CNTNAP2: variants seen among roughly 807,000 people sequenced by gnomAD.
The protein encoded by CNTNAP2 is contactin associated protein 2, also known as contactin-associated protein-like 2.
CNTNAP2 carries 98 observed loss-of-function variants against 155.2 expected under a neutral mutation model. The ratio of observed to expected loss-of-function variants is 0.63; its 90% CI spans 0.54 to 0.75. The LOEUF is 0.75. Ranked by LOEUF, CNTNAP2 falls within the 30% of genes least tolerant of loss-of-function variation. The pLI is 0.00. For missense variants in CNTNAP2, 1,727 were observed against 1,688.1 expected (o/e 1.02, Z -0.40); for synonymous variants, 651 against 631.2 (o/e 1.03, Z -0.47).
At chr7:148,229,440 G>A (rs529374091) in intron 19 of CNTNAP2, among the ~76,000 whole-genome samples, 11 of 152,186 alleles carry the variant, frequency 7.2e-5, no homozygotes, top group African/African-American at 2.4e-4. Flanking sequence ...CAGGAGAATC[G>A]CTTGAACCTG....
intron 1 of CNTNAP2, among the ~76,000 whole-genome samples, chr7:146,389,696 C>CTTTTTTTTTTTTTTTTTTTTTTTTTTT (rs1408040421): frequency 7.1e-6 from 1 of 140,824 alleles, no homozygotes; most frequent in African/African-American, 2.7e-5. Flanking sequence ...TTTTTCTTTT[C>CTTTTTTTTTTTTTTTTTTTTTTTTTTT]TTTTTTCTTT....
intron 9 of CNTNAP2, among the ~76,000 whole-genome samples, chr7:147,367,949 T>C (rs934389651): frequency 9.9e-5 from 15 of 151,730 alleles, no homozygotes; most frequent in African/African-American, 4.8e-5. Flanking sequence ...TGATCTCACA[T>C]AGCCACATAC....
At chr7:146,985,182 CCAG>C in intron 3 of CNTNAP2, among the ~76,000 whole-genome samples, 1 of 152,014 alleles carries the variant, frequency 6.6e-6, no homozygotes, top group South Asian at 2.1e-4. Context: ...CTGTGAAGTG[CCAG>C]CAATAAGTAT....
intron 1 of CNTNAP2, among the ~76,000 whole-genome samples, chr7:146,398,485 A>C (rs1043745304): frequency 1.3e-5 from 2 of 152,112 alleles, no homozygotes; most frequent in African/African-American, 2.4e-5. Context: ...TCCCTCCCAC[A>C]ACATGTGGAG....
intron 1 of CNTNAP2, among the ~76,000 whole-genome samples, chr7:146,491,157 T>C (rs187757927): frequency 1.3e-5 from 2 of 152,254 alleles, no homozygotes; most frequent in Non-Finnish European, 2.9e-5. Flanking sequence ...GGCTGTTATA[T>C]GAAAATAAAG....
At chr7:147,865,521 C>G (rs541221409) in intron 13 of CNTNAP2, among the ~76,000 whole-genome samples, 1 of 152,114 alleles carries the variant, frequency 6.6e-6, no homozygotes, top group Admixed American at 6.5e-5. Context: ...CCTCTTTGTA[C>G]CTCTGGTAGA....
intron 1 of CNTNAP2, among the ~76,000 whole-genome samples, chr7:146,518,434 C>A (rs1797571741): frequency 6.6e-6 from 1 of 151,824 alleles, no homozygotes; most frequent in Non-Finnish European, 1.5e-5. Flanking sequence ...TTTCAGTAGG[C>A]TGTTCATTTT....
intron 1 of CNTNAP2, among the ~76,000 whole-genome samples, chr7:146,427,808 T>C (rs984358284): frequency 3.9e-5 from 6 of 152,182 alleles, no homozygotes; most frequent in Non-Finnish European, 1.5e-5. Context: ...GGTAAACATA[T>C]GCTATGGTGG....
chr7:148,059,747 C>T (rs150769889), intron 15 of CNTNAP2, among the ~76,000 whole-genome samples: 8,982 of 148,406 alleles, frequency 0.061, 332 homozygotes, highest in South Asian at 0.18. Context: ...TTATACTATA[C>T]ATATATTTAT....
At chr7:146,307,184 AACAG>A (rs1384652930) in intron 1 of CNTNAP2, among the ~76,000 whole-genome samples, 1 of 152,130 alleles carries the variant, frequency 6.6e-6, no homozygotes, top group Non-Finnish European at 1.5e-5. Flanking sequence ...ACACACCAAT[AACAG>A]ACAAACAGAG....
At chr7:146,161,559 A>T (rs1418213430) in intron 1 of CNTNAP2, among the ~76,000 whole-genome samples, 1 of 152,212 alleles carries the variant, frequency 6.6e-6, no homozygotes, top group African/African-American at 2.4e-5. Context: ...GATAGGAAGA[A>T]TCAATATTGT....
rs1420146951 is a variant in CNTNAP2 at position 147,864,765 on chromosome 7, C to T, written c.2099-38800C>T. Among the ~76,000 whole-genome samples the T allele has an allele frequency of 2.6e-5, 4 of 152,202 alleles. No homozygotes were observed. In the East Asian group the frequency reaches 5.8e-4, roughly 22 times the overall value. On this transcript the variant is annotated intron_variant, in intron 13 of 23. Coordinates refer to ENST00000361727, the MANE Select transcript of CNTNAP2 (RefSeq NM_014141.6). ...GGTGTATAGGAATGCTTGATTTTTG[C>T]ACATTGATTTTGTATCCTGAGACTT...
chr7:147,726,521 G>A (rs1269358852), intron 13 of CNTNAP2, among the ~76,000 whole-genome samples: 1 of 151,946 alleles, frequency 6.6e-6, no homozygotes, highest in Non-Finnish European at 1.5e-5. Flanking sequence ...TAAGGGCAGG[G>A]GGAAGAGAAG....
chr7:147,347,795 A>G (rs1231297578), intron 9 of CNTNAP2, among the ~76,000 whole-genome samples: 1 of 152,096 alleles, frequency 6.6e-6, no homozygotes, highest in East Asian at 1.9e-4. Flanking sequence ...ACAAAGCTTT[A>G]GTAACCAAAC....
At chr7:146,775,082 A>G (rs751954718) in intron 2 of CNTNAP2, among the ~76,000 whole-genome samples, 3 of 152,236 alleles carry the variant, frequency 2.0e-5, no homozygotes, top group Admixed American at 6.5e-5. Flanking sequence ...TATCTCAGAT[A>G]AATATGAATC....
intron 10 of CNTNAP2, among the ~76,000 whole-genome samples, chr7:147,475,281 C>T (rs1563219053): frequency 6.6e-6 from 1 of 152,120 alleles, no homozygotes; most frequent in Non-Finnish European, 1.5e-5. Context: ...AATATATGCA[C>T]ATTTGAAATT....
chr7:146,662,407 G>T (rs1254608620), intron 1 of CNTNAP2, among the ~76,000 whole-genome samples: 1 of 152,304 alleles, frequency 6.6e-6, no homozygotes, highest in East Asian at 1.9e-4. Flanking sequence ...AAAGTGTTCA[G>T]ATTGCAGGCG....
At chr7:147,200,279 G>C (rs1397080798) in intron 8 of CNTNAP2, among the ~76,000 whole-genome samples, 1 of 152,172 alleles carries the variant, frequency 6.6e-6, no homozygotes, top group Non-Finnish European at 1.5e-5. Flanking sequence ...ATTTCACTCT[G>C]CTTACAAACC....
rs774934085 is a variant in CNTNAP2, at chr7:147,132,550, G to A, written c.1348+41G>A. 13 of 1,611,656 alleles carry A rather than the reference G, an allele frequency of 8.1e-6. No homozygotes were observed. In the Admixed American group the frequency reaches 2.2e-4, roughly 27 times the overall value. The stretch of plus-strand genomic sequence containing the variant: ...TTGACATTTGTTCCTGAAACTTATT[G>A]CAATTTCCAGAGTTAATGTTGTGCT... On this transcript the variant is annotated intron_variant, in intron 8 of 23. Transcript: ENST00000361727.
Sources: gnomAD v4.1 joint callset for allele counts (sites outside exome capture counted in the v4.1 genomes callset) on GRCh38, gnomAD v4.1.1 for gene constraint, MANE v1.5 for transcripts, NCBI Gene and HGNC (gene_info 2026-07-23, HGNC 2026-07-21) for gene names.